Variants in AHCTF1 observed in about 807,000 individuals in gnomAD.
AHCTF1 encodes protein ELYS.
A neutral mutation model predicts 248.4 loss-of-function variants in AHCTF1; 24 were observed. That is an observed-to-expected ratio of 0.10 (90% CI 0.07 to 0.14). The LOEUF is 0.14. Ranked by LOEUF, AHCTF1 falls within the 10% of genes least tolerant of loss-of-function variation. The probability of loss-of-function intolerance (pLI) is 1.00; values close to 1 mark genes in which losing one functional copy is unlikely to be tolerated. For missense variants in AHCTF1, 2,206 were observed against 2,636.2 expected, an observed-to-expected ratio of 0.84 and a Z score of 3.57; for synonymous variants, 786 against 929.8, an observed-to-expected ratio of 0.85 and a Z score of 2.81.
At chr1:246,912,448 A>G (rs1342399363) in intron 4 of AHCTF1, among the ~76,000 whole-genome samples, 1 of 151,444 alleles carries the variant, frequency 6.6e-6, no homozygotes, top group Non-Finnish European at 1.5e-5. Context: ...ACGCCACTGC[A>G]CTCCAGCCTG....
intron 1 of AHCTF1, among the ~76,000 whole-genome samples, chr1:246,927,598 G>A (rs1355768424): frequency 6.6e-6 from 1 of 152,246 alleles, no homozygotes; most frequent in African/African-American, 2.4e-5. Flanking sequence ...CAGAATCCCA[G>A]CCTTTTATGA....
chr1:246,867,898 C>CA lies in AHCTF1; in HGVS notation c.3089-88_3089-87insT. On this transcript the variant is annotated intron_variant, in intron 24 of 35. Transcript: ENST00000648844. ...ATATGAAAGAATGATTACACCCCCCCCCCCACACACACACACACACACATT... is the reference window on the plus strand; with the variant it reads ...ATATGAAAGAATGATTACACCCCCCCACCCCACACACACACACACACACATT... 1.4e-5 allele frequency: 8 copies of CA among 566,688 alleles called. No individual in the cohort carries two copies. In the South Asian group the frequency reaches 1.4e-4, roughly 10 times the overall value. 35.1% of individuals were successfully genotyped at this position (566,688 alleles called of 1,614,324 possible).
intron 29 of AHCTF1, among the ~76,000 whole-genome samples, chr1:246,860,644 G>C (rs964293820): frequency 6.6e-6 from 1 of 152,108 alleles, no homozygotes; most frequent in African/African-American, 2.4e-5. Context: ...TCAAACTTCT[G>C]AACACTCCCA....
At position 246,926,985 on chromosome 1, in the gene AHCTF1, T is replaced by C. The variant is rs146242458; in HGVS notation, c.-8+4593A>G. ...GTCAGGAGATCGAGACCATCCTGGCTAACAAGGTGAAATCCCGTCTCTACT... is the reference window on the plus strand; with the variant it reads ...GTCAGGAGATCGAGACCATCCTGGCCAACAAGGTGAAATCCCGTCTCTACT... On this transcript the variant is annotated intron_variant, in intron 1 of 35. Transcript: ENST00000648844. 6.9e-3 allele frequency among the ~76,000 whole-genome samples: 1,047 copies of C among 151,452 alleles called. 9 individuals are homozygous for C. Among genetic ancestry groups the C allele is most frequent in the East Asian group, 0.04 (203 of 5,100 alleles).
intron 1 of AHCTF1, among the ~76,000 whole-genome samples, chr1:246,929,723 A>C (rs1188912590): frequency 6.6e-6 from 1 of 152,252 alleles, no homozygotes; most frequent in African/African-American, 2.4e-5. Flanking sequence ...TATTAAAGGT[A>C]GGCGTGAAAG....
intron 24 of AHCTF1, among the ~76,000 whole-genome samples, chr1:246,873,445 T>C (rs550398192): frequency 6.6e-6 from 1 of 152,296 alleles, no homozygotes; most frequent in African/African-American, 2.4e-5. Context: ...CAATTTCTCC[T>C]GCATCATAGC....
intron 30 of AHCTF1, among the ~76,000 whole-genome samples, chr1:246,856,892 T>C (rs1661146224): frequency 6.6e-6 from 1 of 152,244 alleles, no homozygotes; most frequent in Non-Finnish European, 1.5e-5. Flanking sequence ...CCATTTATAA[T>C]GTTGTAAGTT....
In AHCTF1 at chr1:246,843,941, G is replaced by GA. The variant is rs775600730; in HGVS notation, c.6392-14dup. 4.2e-6 allele frequency: 6 copies of GA among 1,417,560 alleles called. No homozygotes were observed. In the South Asian group the frequency reaches 1.1e-4, roughly 26 times the overall value. 87.8% of individuals were successfully genotyped at this position (1,417,560 alleles called of 1,614,324 possible). A position where few individuals can be genotyped will look rare whatever the true frequency, so the allele number is the denominator to read the frequency against. On this transcript the variant is annotated splice_polypyrimidine_tract_variant and intron_variant, in intron 33 of 35. Coordinates refer to ENST00000648844, the MANE Select transcript of AHCTF1 (RefSeq NM_001323342.2). ...TCTATTTTTTTAGCTAAAAAAAGTT[G>GA]AAAAAACTGTATCTGTATCTTTATA...
chr1:246,899,642 C>T, intron 10 of AHCTF1, 130 bp from the exon 11 acceptor site: 1 of 623,706 alleles, frequency 1.6e-6, no homozygotes, highest in Non-Finnish European at 2.6e-6. Context: ...TTTAAATAAA[C>T]TTTTCTAGGT....
At chr1:246,923,288 G>A (rs1272677785) in intron 1 of AHCTF1, among the ~76,000 whole-genome samples, 2 of 151,800 alleles carry the variant, frequency 1.3e-5, no homozygotes, top group Non-Finnish European at 2.9e-5. Context: ...GGTGACATGC[G>A]TCTGTAATCC....
chr1:246,869,015 T>C (rs1662310883), intron 24 of AHCTF1, among the ~76,000 whole-genome samples: 1 of 151,484 alleles, frequency 6.6e-6, no homozygotes, highest in Admixed American at 6.6e-5. Context: ...TGGCTAACTT[T>C]TTCTATTTTT....
chr1:246,885,778 G>A lies in AHCTF1; in HGVS notation c.2473-98C>T, dbSNP rs1485222612. On this transcript the variant is annotated intron_variant, in intron 20 of 35. Transcript: ENST00000648844. ...CTAAAAACCACAAAAATCCAGATAAGACTCGTTTAAATATAAGCTGAAAAA... is the reference window on the plus strand; with the variant it reads ...CTAAAAACCACAAAAATCCAGATAAAACTCGTTTAAATATAAGCTGAAAAA... The A allele has an allele frequency of 9.5e-6, 11 of 1,158,448 alleles. No individual in the cohort carries two copies. In the East Asian group the frequency reaches 2.1e-4, roughly 22 times the overall value. The allele number at this position is 1,158,448 out of a possible 1,614,324, so 71.8% of individuals were successfully genotyped here.
intron 14 of AHCTF1, among the ~76,000 whole-genome samples, chr1:246,894,431 G>A (rs11805223): frequency 0.27 from 40,657 of 151,872 alleles, 5,592 homozygotes; most frequent in Admixed American, 0.31. Context: ...AAAATTAGCC[G>A]AGCGTAGTGG....
chr1:246,862,296 C>T (rs944515907), intron 27 of AHCTF1, 143 bp from the exon 28 acceptor site: 23 of 478,578 alleles, frequency 4.8e-5, no homozygotes, highest in Non-Finnish European at 5.7e-5. Flanking sequence ...CTGGCTAACA[C>T]GGTGAAACCC....
At chr1:246,891,435 A>T (rs1431543564) in intron 15 of AHCTF1, among the ~76,000 whole-genome samples, 1 of 152,186 alleles carries the variant, frequency 6.6e-6, no homozygotes, top group Non-Finnish European at 1.5e-5. Flanking sequence ...ATTTAAATGA[A>T]ATTGGCTTGT....
At chr1:246,843,669 C>A in intron 34 of AHCTF1, 126 bp downstream of exon 34, 1 of 851,416 alleles carries the variant, frequency 1.2e-6, no homozygotes, top group East Asian at 4.6e-5. Context: ...ATCTTTAAGA[C>A]ATTTATTTAA....
At position 246,881,057 on chromosome 1, in the gene AHCTF1, G is replaced by A. The variant is rs768164510; in HGVS notation, c.2661-3755C>T. ...TATAAATATGCATTATGAAATGCAC[G>A]GTGGAGACCACAATACAAAAAGACA... On this transcript the variant is annotated intron_variant, in intron 21 of 35. Transcript: ENST00000648844. Among the ~76,000 whole-genome samples, 10 of 152,206 alleles carry A rather than the reference G, an allele frequency of 6.6e-5. No individual in the cohort carries two copies. The South Asian group carries it at 1.7e-3, about 25-fold the overall frequency.
At chr1:246,931,371 C>A in intron 1 of AHCTF1, 4 of 1,516,156 alleles carry the variant, frequency 2.6e-6, no homozygotes, top group Non-Finnish European at 3.5e-6. Flanking sequence ...CGAAGCCCGG[C>A]GCCCGCGAGC....
At chr1:246,915,386 A>G in intron 3 of AHCTF1, among the ~76,000 whole-genome samples, 1 of 152,100 alleles carries the variant, frequency 6.6e-6, no homozygotes, top group South Asian at 2.1e-4. Flanking sequence ...ATTACAAATA[A>G]GGCCATTCAC....
Sources: gnomAD v4.1 joint callset for allele counts (sites outside exome capture counted in the v4.1 genomes callset) on GRCh38, gnomAD v4.1.1 for gene constraint, MANE v1.5 for transcripts, NCBI Gene and HGNC (gene_info 2026-07-23, HGNC 2026-07-21) for gene names.